Variants in IGF2BP3 observed in about 807,000 individuals in gnomAD.
IGF2BP3 encodes insulin-like growth factor 2 mRNA-binding protein 3.
Under a neutral mutation model 73.8 loss-of-function variants are expected in IGF2BP3, and 9 were observed. The ratio of observed to expected loss-of-function variants is 0.12; its 90% CI spans 0.07 to 0.21. The LOEUF is 0.21. IGF2BP3 is among the 10% of genes least tolerant of loss of function. The pLI is 1.00. For missense variants in IGF2BP3, 542 were observed against 714.0 expected, an observed-to-expected ratio of 0.76 and a Z score of 2.75; for synonymous variants, 258 against 256.7, an observed-to-expected ratio of 1.01 and a Z score of -0.05.
At chr7:23,403,634 A>T (rs1786737384) in intron 3 of IGF2BP3, among the ~76,000 whole-genome samples, 1 of 152,234 alleles carries the variant, frequency 6.6e-6, no homozygotes, top group Non-Finnish European at 1.5e-5. Flanking sequence ...AGAAGAATAT[A>T]CAGTTTAGAT....
chr7:23,359,115 T>C (rs1243048239), intron 5 of IGF2BP3, among the ~76,000 whole-genome samples: 1 of 152,254 alleles, frequency 6.6e-6, no homozygotes, highest in Non-Finnish European at 1.5e-5. Context: ...AACAGAAGCC[T>C]ACCAATCTCT....
chr7:23,321,330 G>A (rs1424218261), intron 10 of IGF2BP3, among the ~76,000 whole-genome samples: 1 of 152,202 alleles, frequency 6.6e-6, no homozygotes, highest in East Asian at 1.9e-4. Context: ...CTGGAAAATC[G>A]GGTCACTCCC....
chr7:23,408,945 A>G (rs979828133), intron 3 of IGF2BP3, among the ~76,000 whole-genome samples: 1 of 151,336 alleles, frequency 6.6e-6, no homozygotes, highest in African/African-American at 2.4e-5. Context: ...GTTTCATGGA[A>G]GACAATTTTT....
chr7:23,387,514 T>C (rs954996348), intron 3 of IGF2BP3, among the ~76,000 whole-genome samples: 1 of 145,084 alleles, frequency 6.9e-6, no homozygotes, highest in Non-Finnish European at 1.5e-5. Context: ...TCTTTAATTG[T>C]GACAAATGTG....
intron 2 of IGF2BP3, among the ~76,000 whole-genome samples, chr7:23,438,357 GC>G (rs1310641844): frequency 6.6e-6 from 1 of 151,934 alleles, no homozygotes; most frequent in Admixed American, 6.6e-5. Flanking sequence ...TAAGTAATCT[GC>G]CCCCCTTGGC....
intron 10 of IGF2BP3, among the ~76,000 whole-genome samples, chr7:23,326,432 G>A (rs993438992): frequency 2.6e-5 from 4 of 151,846 alleles, no homozygotes; most frequent in Non-Finnish European, 4.4e-5. Flanking sequence ...TGCTGGAGAG[G>A]ATGTGGAGAA....
intron 2 of IGF2BP3, among the ~76,000 whole-genome samples, chr7:23,441,605 GAC>G (rs1174012837): frequency 3.9e-5 from 2 of 50,752 alleles, no homozygotes; most frequent in African/African-American, 7.4e-5. Flanking sequence ...AAAAAAAAAA[GAC>G]ACATATGTTA....
intron 2 of IGF2BP3, among the ~76,000 whole-genome samples, chr7:23,423,812 G>A (rs1349269739): frequency 1.3e-5 from 2 of 151,976 alleles, no homozygotes; most frequent in African/African-American, 4.8e-5. Context: ...AATTATTTAA[G>A]CATTTGCATT....
intron 2 of IGF2BP3, among the ~76,000 whole-genome samples, chr7:23,422,631 G>A (rs749945367): frequency 7.9e-5 from 12 of 152,040 alleles, no homozygotes; most frequent in South Asian, 2.1e-4. Flanking sequence ...AGGATCCCAC[G>A]GATTTTCTAC....
At chr7:23,441,609 C>T (rs1179918230) in intron 2 of IGF2BP3, among the ~76,000 whole-genome samples, 2 of 102,168 alleles carry the variant, frequency 2.0e-5, no homozygotes, top group African/African-American at 3.6e-5. Flanking sequence ...AAAAAAGACA[C>T]ATATGTTAAA....
chr7:23,359,635 CCA>C (rs1785175939), intron 5 of IGF2BP3, among the ~76,000 whole-genome samples: 1 of 151,914 alleles, frequency 6.6e-6, no homozygotes, highest in Admixed American at 6.6e-5. Flanking sequence ...TCGCTTGAGC[CCA>C]CGAGTTCAAG....
chr7:23,430,608 T>A (rs1787650918), intron 2 of IGF2BP3, among the ~76,000 whole-genome samples: 1 of 152,262 alleles, frequency 6.6e-6, no homozygotes. Flanking sequence ...TAATTACACC[T>A]ATTCTTTCTT....
intron 2 of IGF2BP3, among the ~76,000 whole-genome samples, chr7:23,444,032 A>G (rs916488612): frequency 6.6e-6 from 1 of 152,188 alleles, no homozygotes; most frequent in Admixed American, 6.5e-5. Flanking sequence ...CAAAACAAAA[A>G]AAACACCATT....
At chr7:23,374,658 CAG>C (rs1785660911) in intron 3 of IGF2BP3, among the ~76,000 whole-genome samples, 1 of 152,072 alleles carries the variant, frequency 6.6e-6, no homozygotes, top group African/African-American at 2.4e-5. Flanking sequence ...CCCTGGGTGA[CAG>C]AGTGAGACTC....
intron 3 of IGF2BP3, among the ~76,000 whole-genome samples, chr7:23,371,224 T>C (rs1052799121): frequency 6.6e-6 from 1 of 152,036 alleles, no homozygotes; most frequent in African/African-American, 2.4e-5. Flanking sequence ...GAGGGGTTTC[T>C]AGAAAGGAGT....
At chr7:23,378,597 C>T (rs1412716482) in intron 3 of IGF2BP3, among the ~76,000 whole-genome samples, 2 of 94,482 alleles carry the variant, frequency 2.1e-5, no homozygotes, top group Non-Finnish European at 1.9e-5. Flanking sequence ...TTTTTTGAGA[C>T]AGAGTCTCGC....
chr7:23,408,195 G>A (rs1434560294), intron 3 of IGF2BP3, among the ~76,000 whole-genome samples: 1 of 151,964 alleles, frequency 6.6e-6, no homozygotes, highest in Non-Finnish European at 1.5e-5. Flanking sequence ...TTGAGGAAGG[G>A]TAAGGATGTC....
At chr7:23,413,836 T>A (rs752331422) in intron 3 of IGF2BP3, 1 of 152,172 alleles carries the variant, frequency 6.6e-6, no homozygotes, top group African/African-American at 2.4e-5. Context: ...ATTCCATATA[T>A]TTGGGAGAAA....
chr7:23,377,913 A>C (rs573585142), intron 3 of IGF2BP3, among the ~76,000 whole-genome samples: 2 of 152,284 alleles, frequency 1.3e-5, no homozygotes, highest in East Asian at 3.9e-4. Flanking sequence ...AGAGACTCAG[A>C]AAGTAGATTA....
Sources: allele counts gnomAD v4.1 joint callset (sites outside exome capture counted in the v4.1 genomes callset), GRCh38; gene constraint gnomAD v4.1.1; transcripts MANE v1.5; gene names NCBI Gene and HGNC (gene_info 2026-07-23, HGNC 2026-07-21).